TENM4: variants seen among roughly 807,000 people sequenced by gnomAD.
The protein encoded by TENM4 is teneurin transmembrane protein 4, also known as teneurin-4.
In TENM4, 82 loss-of-function variants were observed where a neutral mutation model predicts 243.3. That is an observed-to-expected ratio of 0.34 (90% confidence interval 0.28 to 0.40). The LOEUF (loss-of-function observed/expected upper bound fraction) is 0.40. Among genes scored for constraint, TENM4 ranks in the 10% least tolerant of loss-of-function variants. The probability of loss-of-function intolerance (pLI) is 1.00; values close to 1 mark genes in which losing one functional copy is unlikely to be tolerated. For synonymous variants in TENM4, 1,412 were observed against 1,456.3 expected, an observed-to-expected ratio of 0.97 and a Z score of 0.69; for missense variants, 3,138 against 3,673.3, an observed-to-expected ratio of 0.85 and a Z score of 3.77.
chr11:79,239,540 C>T (rs1195263677), intron 2 of TENM4, among the ~76,000 whole-genome samples: 1 of 152,118 alleles, frequency 6.6e-6, no homozygotes, highest in African/African-American at 2.4e-5. Context: ...CTCAAGGGCC[C>T]ATGCTCTGTC....
intron 2 of TENM4, among the ~76,000 whole-genome samples, chr11:79,244,163 C>T (rs1377142505): frequency 1.3e-5 from 2 of 152,184 alleles, no homozygotes; most frequent in Non-Finnish European, 2.9e-5. Flanking sequence ...TTGGATGGGC[C>T]TGAGAACTTG....
At chr11:78,981,485 T>C (rs926735383) in intron 6 of TENM4, among the ~76,000 whole-genome samples, 2 of 152,186 alleles carry the variant, frequency 1.3e-5, no homozygotes, top group Middle Eastern at 3.2e-3. Flanking sequence ...GTTATGTGTC[T>C]CAGTTGGAAG....
chr11:78,937,462 C>T (rs971796894), intron 6 of TENM4, among the ~76,000 whole-genome samples: 3 of 152,182 alleles, frequency 2.0e-5, no homozygotes, highest in Admixed American at 2.0e-4. Context: ...CAAGTTAATG[C>T]TGCTGAGAAC....
At chr11:78,792,246 T>C (rs1216824583) in intron 15 of TENM4, among the ~76,000 whole-genome samples, 5 of 152,148 alleles carry the variant, frequency 3.3e-5, no homozygotes, top group Non-Finnish European at 7.4e-5. Context: ...GCTTTTCTAG[T>C]AGTGGTCTCA....
At chr11:79,345,375 C>G (rs571617359) in intron 1 of TENM4, among the ~76,000 whole-genome samples, 1 of 152,222 alleles carries the variant, frequency 6.6e-6, no homozygotes, top group African/African-American at 2.4e-5. Flanking sequence ...TTCCCTCTCT[C>G]ATTTTTCCAT....
chr11:79,055,585 A>G (rs1376388064), intron 6 of TENM4, among the ~76,000 whole-genome samples: 3 of 152,204 alleles, frequency 2.0e-5, no homozygotes, highest in Non-Finnish European at 4.4e-5. Context: ...TATAAAATTT[A>G]TTTCATGATT....
At chr11:78,783,306 G>A (rs1856872813) in intron 16 of TENM4, among the ~76,000 whole-genome samples, 1 of 152,178 alleles carries the variant, frequency 6.6e-6, no homozygotes, top group East Asian at 1.9e-4. Flanking sequence ...TCATATACTT[G>A]AGAAACAGAT....
intron 4 of TENM4, among the ~76,000 whole-genome samples, chr11:79,070,289 G>GCACT (rs148724203): frequency 0.014 from 2,110 of 152,256 alleles, 12 homozygotes; most frequent in Middle Eastern, 0.017. Context: ...AGGCCAAAGG[G>GCACT]CACTGGTGGT....
rs1011148589 is a variant in TENM4, at chr11:78,734,329, C to T, written c.2877-1752G>A. Among the ~76,000 whole-genome samples, 4 of 152,302 alleles carry T rather than the reference C, an allele frequency of 2.6e-5. No homozygotes were observed. The East Asian group carries it at 5.8e-4, about 22-fold the overall frequency. ...GGAACTTAATGGTCATCTGACCTAGCCCCCCTCCCATCTGATGCATCAGTT... is the reference window on the plus strand; with the variant it reads ...GGAACTTAATGGTCATCTGACCTAGTCCCCCTCCCATCTGATGCATCAGTT... On this transcript the variant is annotated intron_variant, in intron 20 of 33. Coordinates refer to ENST00000278550, the MANE Select transcript of TENM4 (RefSeq NM_001098816.3).
intron 4 of TENM4, among the ~76,000 whole-genome samples, chr11:79,126,532 G>A (rs1457218348): frequency 3.3e-5 from 5 of 152,208 alleles, no homozygotes; most frequent in Non-Finnish European, 7.3e-5. Flanking sequence ...GTGGAAATCA[G>A]AATAGTCTGA....
chr11:79,082,257 C>T (rs1860694520), intron 4 of TENM4, among the ~76,000 whole-genome samples: 1 of 152,198 alleles, frequency 6.6e-6, no homozygotes, highest in Non-Finnish European at 1.5e-5. Flanking sequence ...TCTCCCTTGG[C>T]ATCCTCTAAG....
chr11:78,770,952 C>T (rs1856633874), intron 18 of TENM4, 40 bp downstream of exon 18: 3 of 1,558,804 alleles, frequency 1.9e-6, no homozygotes, highest in East Asian at 2.4e-5. Context: ...GCCTCCCACC[C>T]TCTGGAGCCG....
chr11:78,851,822 A>G (rs1379097004), intron 12 of TENM4, among the ~76,000 whole-genome samples: 2 of 152,216 alleles, frequency 1.3e-5, no homozygotes, highest in Non-Finnish European at 2.9e-5. Context: ...TGTTAGCCTT[A>G]ATGTCACCAG....
chr11:78,920,500 A>C (rs1856424886), intron 6 of TENM4, among the ~76,000 whole-genome samples: 1 of 152,194 alleles, frequency 6.6e-6, no homozygotes, highest in Non-Finnish European at 1.5e-5. Context: ...TCCTCTGGGT[A>C]ACAGTAACAC....
intron 6 of TENM4, among the ~76,000 whole-genome samples, chr11:79,016,660 T>A (rs935221318): frequency 3.9e-5 from 6 of 152,134 alleles, no homozygotes; most frequent in African/African-American, 1.4e-4. Flanking sequence ...AACTCTTAAA[T>A]AACATAACAG....
chr11:78,945,770 T>C (rs1856992138), intron 6 of TENM4, among the ~76,000 whole-genome samples: 1 of 152,198 alleles, frequency 6.6e-6, no homozygotes, highest in Admixed American at 6.5e-5. Context: ...CTGTTTTATG[T>C]TTTATGGAGA....
At chr11:79,350,255 C>T (rs1302879787) in intron 1 of TENM4, among the ~76,000 whole-genome samples, 1 of 152,150 alleles carries the variant, frequency 6.6e-6, no homozygotes, top group Non-Finnish European at 1.5e-5. Context: ...AATCAACAAT[C>T]ACGAATTAGC....
intron 28 of TENM4, among the ~76,000 whole-genome samples, chr11:78,689,671 A>G (rs2135727369): frequency 6.6e-6 from 1 of 152,118 alleles, no homozygotes; most frequent in African/African-American, 2.4e-5. Context: ...TTGGTGGGTG[A>G]GATTAGGCAG....
intron 6 of TENM4, among the ~76,000 whole-genome samples, chr11:78,908,090 G>A (rs1012473090): frequency 2.6e-5 from 4 of 152,146 alleles, no homozygotes; most frequent in Admixed American, 1.3e-4. Flanking sequence ...CCTGAACACC[G>A]AAACCTCCTG....
Sources: gnomAD v4.1 joint callset for allele counts (sites outside exome capture counted in the v4.1 genomes callset) on GRCh38, gnomAD v4.1.1 for gene constraint, MANE v1.5 for transcripts, NCBI Gene and HGNC (gene_info 2026-07-23, HGNC 2026-07-21) for gene names.